Variants in TNS3 observed in about 807,000 individuals in gnomAD.
TNS3 encodes tensin 3, also known as tensin-3.
In TNS3, 45 loss-of-function variants were observed where a neutral mutation model predicts 140.9. The observed-to-expected ratio is 0.32, with a 90% confidence interval of 0.25 to 0.41. The LOEUF (loss-of-function observed/expected upper bound fraction) is 0.41. Among genes scored for constraint, TNS3 ranks in the 10% least tolerant of loss-of-function variants. TNS3 has a pLI of 1.00. For missense variants in TNS3, 1,716 were observed against 1,906.7 expected (o/e 0.90, Z 1.86); for synonymous variants, 815 against 788.4 (o/e 1.03, Z -0.56).
intron 1 of TNS3, among the ~76,000 whole-genome samples, chr7:47,541,358 ACACACACACATG>A (rs1191158209): frequency 6.6e-6 from 1 of 152,100 alleles, no homozygotes; most frequent in African/African-American, 2.4e-5. Flanking sequence ...GAACCAGTGC[ACACACACACATG>A]CACACACACA....
intron 16 of TNS3, among the ~76,000 whole-genome samples, chr7:47,375,386 C>T (rs1405212906): frequency 6.6e-6 from 1 of 152,194 alleles, no homozygotes; most frequent in Non-Finnish European, 1.5e-5. Flanking sequence ...ATCCAACAAA[C>T]ATAAATACAG....
chr7:47,481,310 G>T, intron 3 of TNS3, 169 bp from the exon 4 acceptor site: 1 of 438,458 alleles, frequency 2.3e-6, no homozygotes, highest in Non-Finnish European at 3.9e-6. Flanking sequence ...AGAGTCCAGG[G>T]TTTTGTTCAC....
intron 4 of TNS3, among the ~76,000 whole-genome samples, chr7:47,460,960 A>G (rs1248044599): frequency 3.9e-5 from 6 of 152,260 alleles, no homozygotes; most frequent in Non-Finnish European, 7.3e-5. Flanking sequence ...CCTTAACATT[A>G]CAGATCTATA....
At chr7:47,444,754 A>C (rs1429435913) in intron 4 of TNS3, among the ~76,000 whole-genome samples, 2 of 152,248 alleles carry the variant, frequency 1.3e-5, no homozygotes, top group Non-Finnish European at 2.9e-5. Flanking sequence ...TCCAATGTTC[A>C]AACCCCGAAA....
intron 4 of TNS3, among the ~76,000 whole-genome samples, chr7:47,442,693 G>A (rs796448901): frequency 1.5e-4 from 23 of 152,334 alleles, no homozygotes; most frequent in African/African-American, 5.5e-4. Context: ...TCAGATGGCA[G>A]AGGTGAATGG....
At chr7:47,489,166 C>A (rs931388434) in intron 3 of TNS3, among the ~76,000 whole-genome samples, 1 of 152,136 alleles carries the variant, frequency 6.6e-6, no homozygotes, top group Non-Finnish European at 1.5e-5. Flanking sequence ...AAACACCCGC[C>A]CGGCAGACGC....
chr7:47,479,502 G>C (rs929616688), intron 4 of TNS3, among the ~76,000 whole-genome samples: 1 of 145,222 alleles, frequency 6.9e-6, no homozygotes, highest in Non-Finnish European at 1.5e-5. Context: ...CCCCGTCGGC[G>C]GTGAGTGCCA....
intron 16 of TNS3, among the ~76,000 whole-genome samples, chr7:47,383,991 T>G (rs1046050709): frequency 2.0e-4 from 30 of 152,236 alleles, no homozygotes; most frequent in African/African-American, 7.2e-4. Flanking sequence ...AAGTGACATC[T>G]AAATTCAGAT....
At chr7:47,576,359 C>A (rs1800675735) in intron 1 of TNS3, among the ~76,000 whole-genome samples, 1 of 152,144 alleles carries the variant, frequency 6.6e-6, no homozygotes, top group Non-Finnish European at 1.5e-5. Context: ...TGTGGAGGAA[C>A]GACAACCCCA....
chr7:47,346,472 C>A lies in TNS3; in HGVS notation c.2282-116G>T, dbSNP rs1789352126. The A allele has an allele frequency of 2.1e-5, 27 of 1,264,288 alleles. No individual in the cohort carries two copies. The South Asian group carries it at 3.9e-4, about 18-fold the overall frequency. The allele number at this position is 1,264,288 out of a possible 1,614,324, so 78.3% of individuals were successfully genotyped here. ...GGTGCTGTATGCTGCATCCTGGTCA[C>A]CACTGCTCTGGGAAGATGCTGTGGT... On this transcript the variant is annotated intron_variant, in intron 17 of 30. Transcript: ENST00000311160.
chr7:47,305,072 T>C, intron 20 of TNS3, 69 bp from the exon 21 acceptor site: 1 of 1,219,476 alleles, frequency 8.2e-7, no homozygotes, highest in Non-Finnish European at 1.1e-6. Context: ...TCTCTGCTGC[T>C]TTTGCATGTT....
chr7:47,367,976 T>C (rs2151139244), intron 17 of TNS3, among the ~76,000 whole-genome samples: 1 of 152,324 alleles, frequency 6.6e-6, no homozygotes, highest in African/African-American at 2.4e-5. Flanking sequence ...AGCCCTGACC[T>C]ATACCGCAGG....
intron 20 of TNS3, among the ~76,000 whole-genome samples, chr7:47,319,209 G>A (rs1787587692): frequency 6.6e-6 from 1 of 152,200 alleles, no homozygotes; most frequent in African/African-American, 2.4e-5. Context: ...CGGTTCTGAA[G>A]GCTGTAGAAA....
intron 3 of TNS3, among the ~76,000 whole-genome samples, chr7:47,506,286 G>A (rs1460695908): frequency 6.6e-6 from 1 of 152,092 alleles, no homozygotes; most frequent in Non-Finnish European, 1.5e-5. Context: ...CTTCTTCCTT[G>A]GGGTGTCTGT....
chr7:47,357,057 G>A (rs1344442851), intron 17 of TNS3, among the ~76,000 whole-genome samples: 4 of 152,138 alleles, frequency 2.6e-5, no homozygotes, highest in African/African-American at 4.8e-5. Flanking sequence ...CAACTACACT[G>A]CAGCCTGGGT....
At chr7:47,539,816 TG>T (rs1799733949) in intron 1 of TNS3, among the ~76,000 whole-genome samples, 1 of 152,200 alleles carries the variant, frequency 6.6e-6, no homozygotes, top group Non-Finnish European at 1.5e-5. Context: ...CAATAAACAC[TG>T]GTGCAGGAAT....
rs559696812 is a variant in TNS3 at position 47,550,485 on chromosome 7, T to C, written c.-264-21338A>G. ...TCCCAACCTCATGTAAGCAAGATGC[T>C]GTCCCTAGTTGTCCCACAGCAAGAC... On this transcript the variant is annotated intron_variant, in intron 1 of 30. Transcript: ENST00000311160. Among the ~76,000 whole-genome samples the C allele has an allele frequency of 2.6e-5, 4 of 152,358 alleles. No homozygotes were observed. In the East Asian group the frequency reaches 7.7e-4, roughly 29 times the overall value.
chr7:47,436,591 A>G (rs1795192782), intron 7 of TNS3, among the ~76,000 whole-genome samples: 1 of 152,304 alleles, frequency 6.6e-6, no homozygotes. Context: ...CAGAACTTAA[A>G]GTAAAATTTG....
At chr7:47,461,517 G>A (rs1461775548) in intron 4 of TNS3, among the ~76,000 whole-genome samples, 2 of 152,120 alleles carry the variant, frequency 1.3e-5, no homozygotes, top group Non-Finnish European at 2.9e-5. Context: ...GACCGAAGGG[G>A]CCCAGGGCCT....
Sources: gnomAD v4.1 joint callset for allele counts (sites outside exome capture counted in the v4.1 genomes callset) on GRCh38, gnomAD v4.1.1 for gene constraint, MANE v1.5 for transcripts, NCBI Gene and HGNC (gene_info 2026-07-23, HGNC 2026-07-21) for gene names.